CDKAL1: variants seen among roughly 807,000 people sequenced by gnomAD.
CDKAL1 encodes the protein threonylcarbamoyladenosine tRNA methylthiotransferase.
A neutral mutation model predicts 68.2 loss-of-function variants in CDKAL1; 32 were observed. The ratio of observed to expected loss-of-function variants is 0.47; its 90% CI spans 0.35 to 0.63. CDKAL1 has a LOEUF of 0.63. CDKAL1 is among the 30% of genes least tolerant of loss of function. The pLI, the probability that CDKAL1 is intolerant of heterozygous loss-of-function variation, is 0.00. For missense variants in CDKAL1, 606 were observed against 696.7 expected, an observed-to-expected ratio of 0.87 and a Z score of 1.47; for synonymous variants, 234 against 244.3, an observed-to-expected ratio of 0.96 and a Z score of 0.39.
intron 4 of CDKAL1, among the ~76,000 whole-genome samples, chr6:20,613,272 T>C (rs1164030316): frequency 6.1e-5 from 6 of 97,748 alleles, no homozygotes; most frequent in African/African-American, 2.2e-4. Context: ...TTTTTTTTTT[T>C]TTTTTTTTTT....
intron 9 of CDKAL1, among the ~76,000 whole-genome samples, chr6:20,898,944 T>G (rs1761828695): frequency 6.6e-6 from 1 of 152,154 alleles, no homozygotes; most frequent in Non-Finnish European, 1.5e-5. Flanking sequence ...ATACCACATT[T>G]TATTTGTATA....
At chr6:20,804,580 A>G (rs1776488758) in intron 8 of CDKAL1, among the ~76,000 whole-genome samples, 1 of 152,228 alleles carries the variant, frequency 6.6e-6, no homozygotes, top group Non-Finnish European at 1.5e-5. Flanking sequence ...GATATTTTTA[A>G]TTTTATCAGG....
intron 5 of CDKAL1, among the ~76,000 whole-genome samples, chr6:20,701,012 C>A (rs1258960973): frequency 6.6e-6 from 1 of 151,318 alleles, no homozygotes; most frequent in Non-Finnish European, 1.5e-5. Context: ...TAATATCTTG[C>A]GAATACCTGA....
chr6:20,950,897 G>C (rs1263354676), intron 9 of CDKAL1, among the ~76,000 whole-genome samples: 2 of 151,990 alleles, frequency 1.3e-5, no homozygotes, highest in East Asian at 3.9e-4. Context: ...TTGAACCTCG[G>C]AGGCGGAGGT....
chr6:20,686,260 G>A (rs925942442), intron 5 of CDKAL1, among the ~76,000 whole-genome samples: 1 of 152,142 alleles, frequency 6.6e-6, no homozygotes, highest in African/African-American at 2.4e-5. Flanking sequence ...GTACTGGTCT[G>A]TGGCTTGTTA....
chr6:20,551,852 T>C (rs1008222415), intron 4 of CDKAL1, among the ~76,000 whole-genome samples: 2 of 151,992 alleles, frequency 1.3e-5, no homozygotes, highest in African/African-American at 4.8e-5. Context: ...CATATTCTGA[T>C]GGTGTAGTTT....
At chr6:20,701,757 C>G (rs761796765) in intron 5 of CDKAL1, among the ~76,000 whole-genome samples, 8 of 152,040 alleles carry the variant, frequency 5.3e-5, no homozygotes, top group South Asian at 2.1e-4. Context: ...TCCTATGTAC[C>G]TGGTGTGTAG....
intron 15 of CDKAL1, 37 bp downstream of exon 15, chr6:21,201,311 A>G (rs1174923891): frequency 3.9e-6 from 6 of 1,543,418 alleles, no homozygotes; most frequent in Non-Finnish European, 5.3e-6. Context: ...CCCTGCTAGT[A>G]AAACAGCAGC....
At chr6:20,816,382 G>C (rs1295912719) in intron 8 of CDKAL1, among the ~76,000 whole-genome samples, 1 of 152,070 alleles carries the variant, frequency 6.6e-6, no homozygotes, top group East Asian at 1.9e-4. Context: ...AGTGTCTGCT[G>C]CTAGGCAAAA....
intron 9 of CDKAL1, among the ~76,000 whole-genome samples, chr6:20,899,441 T>G (rs1761860818): frequency 6.6e-6 from 1 of 152,158 alleles, no homozygotes; most frequent in African/African-American, 2.4e-5. Context: ...GTCTTGTTCT[T>G]GCTGCAGTGG....
At chr6:20,565,050 G>T (rs1036841686) in intron 4 of CDKAL1, among the ~76,000 whole-genome samples, 3 of 152,012 alleles carry the variant, frequency 2.0e-5, no homozygotes, top group African/African-American at 4.8e-5. Flanking sequence ...CCTCCTGATT[G>T]TTCATTTATA....
chr6:20,812,233 A>G (rs1461466812), intron 8 of CDKAL1, among the ~76,000 whole-genome samples: 7 of 152,192 alleles, frequency 4.6e-5, no homozygotes, highest in Admixed American at 4.6e-4. Flanking sequence ...ACATTCTGCA[A>G]AGGTAATTGT....
chr6:20,541,961 T>C (rs2127647972), intron 2 of CDKAL1, among the ~76,000 whole-genome samples: 1 of 152,358 alleles, frequency 6.6e-6, no homozygotes, highest in South Asian at 2.1e-4. Flanking sequence ...TTTCCGGCAA[T>C]TGACAGTCTT....
At chr6:21,157,690 A>G (rs1776712287) in intron 13 of CDKAL1, among the ~76,000 whole-genome samples, 1 of 152,230 alleles carries the variant, frequency 6.6e-6, no homozygotes, top group Non-Finnish European at 1.5e-5. Flanking sequence ...TATGACATAC[A>G]TCTACCAGTC....
chr6:20,636,852 C>T (rs1459413236), intron 4 of CDKAL1, among the ~76,000 whole-genome samples: 17 of 151,136 alleles, frequency 1.1e-4, no homozygotes, highest in African/African-American at 3.6e-4. Flanking sequence ...GCCTGGCCAA[C>T]ATGGTGAAAC....
At chr6:20,669,734 C>T (rs1769721876) in intron 5 of CDKAL1, among the ~76,000 whole-genome samples, 1 of 152,100 alleles carries the variant, frequency 6.6e-6, no homozygotes, top group African/African-American at 2.4e-5. Context: ...TAAGTTCAGG[C>T]TTATCGTGTA....
chr6:20,741,362 G>A (rs1309638860), intron 6 of CDKAL1, among the ~76,000 whole-genome samples: 3 of 151,926 alleles, frequency 2.0e-5, no homozygotes, highest in Non-Finnish European at 4.4e-5. Flanking sequence ...ACATGTGCAG[G>A]TTTGTTATAC....
intron 11 of CDKAL1, among the ~76,000 whole-genome samples, chr6:21,056,782 G>C (rs1301606052): frequency 6.6e-6 from 1 of 152,062 alleles, no homozygotes; most frequent in East Asian, 1.9e-4. Context: ...TGAGAAAATC[G>C]TGTGGTTTTT....
intron 9 of CDKAL1, among the ~76,000 whole-genome samples, chr6:20,890,653 A>C (rs1327931137): frequency 6.6e-6 from 1 of 152,044 alleles, no homozygotes; most frequent in Non-Finnish European, 1.5e-5. Context: ...GTTGGCTTAA[A>C]ATTTGTTTTC....
Sources: allele counts gnomAD v4.1 joint callset (sites outside exome capture counted in the v4.1 genomes callset), GRCh38; gene constraint gnomAD v4.1.1; transcripts MANE v1.5; gene names NCBI Gene and HGNC (gene_info 2026-07-23, HGNC 2026-07-21).